The following RIT2 variants were observed in gnomAD, a reference collection of about 807,000 sequenced individuals.
RIT2 encodes Ras like without CAAX 2, also known as GTP-binding protein Rit2.
A neutral mutation model predicts 23.7 loss-of-function variants in RIT2; 24 were observed. The observed-to-expected ratio is 1.01, with a 90% confidence interval of 0.73 to 1.43. RIT2 has a LOEUF of 1.43. Among genes scored for constraint, RIT2 ranks in the 40% most tolerant of loss-of-function variants. The pLI is 0.00. For synonymous variants in RIT2, 107 were observed against 91.1 expected (o/e 1.17, Z -0.99); for missense variants, 236 against 266.9 (o/e 0.88, Z 0.81).
At chr18:42,820,493 C>T (rs533254879) in intron 4 of RIT2, among the ~76,000 whole-genome samples, 1 of 152,230 alleles carries the variant, frequency 6.6e-6, no homozygotes, top group East Asian at 1.9e-4. Flanking sequence ...ACTCTCTGTC[C>T]TCCTGTAGGA....
intron 4 of RIT2, among the ~76,000 whole-genome samples, chr18:42,862,096 T>C (rs1197030804): frequency 6.6e-6 from 1 of 152,188 alleles, no homozygotes; most frequent in Admixed American, 6.5e-5. Flanking sequence ...ATGGTTTGAC[T>C]CTGTGTCCCT....
intron 2 of RIT2, among the ~76,000 whole-genome samples, chr18:43,028,857 C>CA (rs1911791126): frequency 6.6e-6 from 1 of 152,016 alleles, no homozygotes; most frequent in Non-Finnish European, 1.5e-5. Context: ...AGGAGTGACT[C>CA]TATTAGTGTA....
rs1224120832 is a variant in RIT2, at chr18:43,074,860, T to A, written c.103+40557A>T. 3.9e-5 allele frequency among the ~76,000 whole-genome samples: 6 copies of A among 152,252 alleles called. No homozygotes were observed. In the East Asian group the frequency reaches 1.2e-3, roughly 29 times the overall value. ...GAGCTGAACGATGAGAACACATGGATGCAGGGAGGGGAACAACACAGGCTG... is the reference window on the plus strand; with the variant it reads ...GAGCTGAACGATGAGAACACATGGAAGCAGGGAGGGGAACAACACAGGCTG... On this transcript the variant is annotated intron_variant, in intron 1 of 4. Coordinates refer to ENST00000326695, the MANE Select transcript of RIT2 (RefSeq NM_002930.4).
At chr18:42,856,912 C>T (rs1291633829) in intron 4 of RIT2, among the ~76,000 whole-genome samples, 2 of 142,934 alleles carry the variant, frequency 1.4e-5, no homozygotes, top group Non-Finnish European at 3.0e-5. Context: ...TCACTGAAAG[C>T]TCCGCCTCCC....
intron 4 of RIT2, among the ~76,000 whole-genome samples, chr18:42,898,483 T>G (rs1908390979): frequency 2.0e-5 from 3 of 152,132 alleles, no homozygotes; most frequent in African/African-American, 7.2e-5. Context: ...GACCAGGATG[T>G]CAAACCACAA....
chr18:43,065,718 A>T (rs1411202943), intron 1 of RIT2, among the ~76,000 whole-genome samples: 1 of 152,170 alleles, frequency 6.6e-6, no homozygotes, highest in Non-Finnish European at 1.5e-5. Flanking sequence ...TGGTAACAAA[A>T]CTAAGACAAA....
intron 2 of RIT2, among the ~76,000 whole-genome samples, chr18:43,027,223 G>T (rs1911753928): frequency 6.6e-6 from 1 of 152,044 alleles, no homozygotes; most frequent in Non-Finnish European, 1.5e-5. Context: ...ATTAGAAAGG[G>T]AATTAGAGTC....
At chr18:43,108,702 C>T (rs748951181) in intron 1 of RIT2, among the ~76,000 whole-genome samples, 1 of 152,148 alleles carries the variant, frequency 6.6e-6, no homozygotes, top group Non-Finnish European at 1.5e-5. Flanking sequence ...ATTCTGTTTT[C>T]AATCATTATT....
chr18:43,082,216 A>G (rs918124577), intron 1 of RIT2, among the ~76,000 whole-genome samples: 1 of 151,914 alleles, frequency 6.6e-6, no homozygotes, highest in Non-Finnish European at 1.5e-5. Context: ...TGTAGTTTTT[A>G]TTTCTCTGAG....
chr18:43,013,333 A>G (rs974458576), intron 2 of RIT2, among the ~76,000 whole-genome samples: 2 of 151,878 alleles, frequency 1.3e-5, no homozygotes, highest in Non-Finnish European at 2.9e-5. Flanking sequence ...GTTTGCATGT[A>G]AGTAATGAAT....
At chr18:42,856,106 C>A (rs1280815370) in intron 4 of RIT2, among the ~76,000 whole-genome samples, 1 of 152,182 alleles carries the variant, frequency 6.6e-6, no homozygotes, top group Non-Finnish European at 1.5e-5. Flanking sequence ...AAAGGTGGAT[C>A]ATAGAGACCA....
chr18:43,032,436 T>C (rs1462461272), intron 2 of RIT2, among the ~76,000 whole-genome samples: 2 of 152,058 alleles, frequency 1.3e-5, no homozygotes, highest in Non-Finnish European at 2.9e-5. Flanking sequence ...AAATTATATA[T>C]TATATTATTG....
intron 4 of RIT2, among the ~76,000 whole-genome samples, chr18:42,923,110 C>T (rs1194676285): frequency 6.6e-6 from 1 of 152,118 alleles, no homozygotes; most frequent in South Asian, 2.1e-4. Context: ...GTGGCTGGTG[C>T]TGAAACATGC....
At chr18:43,057,157 G>T (rs978164722) in intron 1 of RIT2, among the ~76,000 whole-genome samples, 2 of 152,064 alleles carry the variant, frequency 1.3e-5, no homozygotes, top group Admixed American at 6.6e-5. Flanking sequence ...CTAGCTAACA[G>T]TATGAAATGC....
intron 4 of RIT2, among the ~76,000 whole-genome samples, chr18:42,840,135 A>C (rs1009703497): frequency 1.3e-5 from 2 of 152,206 alleles, no homozygotes; most frequent in Non-Finnish European, 2.9e-5. Flanking sequence ...GCAGAACTGA[A>C]TCTTTTGCTT....
rs76346137 is a variant in RIT2, at chr18:42,818,962, T to C, written c.427-75242A>G. ...TAAAATATGTTCCTATTCCTTTCTC[T>C]GTTACAAGTGCTAAATGTTATAAAC... On this transcript the variant is annotated intron_variant, in intron 4 of 4. Coordinates refer to ENST00000326695, the MANE Select transcript of RIT2 (RefSeq NM_002930.4). 6.5e-3 allele frequency among the ~76,000 whole-genome samples: 993 copies of C among 152,158 alleles called. 15 individuals carry two copies. Among genetic ancestry groups the C allele is most frequent in the African/African-American group, 0.023 (960 of 41,558 alleles).
At chr18:43,094,906 G>A (rs1214607491) in intron 1 of RIT2, among the ~76,000 whole-genome samples, 1 of 151,694 alleles carries the variant, frequency 6.6e-6, no homozygotes, top group Non-Finnish European at 1.5e-5. Context: ...TTTTTTTATG[G>A]CTGCATAGAA....
intron 4 of RIT2, among the ~76,000 whole-genome samples, chr18:42,800,518 CTTTTTTTTT>C (rs147481524): frequency 6.9e-6 from 1 of 144,484 alleles, no homozygotes; most frequent in Non-Finnish European, 1.5e-5. Flanking sequence ...CAGTTACATT[CTTTTTTTTT>C]TTTTTTTTTC....
chr18:42,759,712 TACAC>T (rs59733922), intron 4 of RIT2, among the ~76,000 whole-genome samples: 4,805 of 131,576 alleles, frequency 0.037, 151 homozygotes, highest in African/African-American at 0.075. Context: ...GTGTTAAATC[TACAC>T]ACACACACAC....
Sources: allele counts gnomAD v4.1 joint callset (sites outside exome capture counted in the v4.1 genomes callset), GRCh38; gene constraint gnomAD v4.1.1; transcripts MANE v1.5; gene names NCBI Gene and HGNC (gene_info 2026-07-23, HGNC 2026-07-21).